PPP2R2D: variants seen among roughly 807,000 people sequenced by gnomAD.
PPP2R2D encodes the protein protein phosphatase 2 regulatory subunit Bdelta.
A neutral mutation model predicts 31.1 loss-of-function variants in PPP2R2D; 9 were observed. The observed-to-expected ratio is 0.29, with a 90% confidence interval of 0.17 to 0.51. The LOEUF (loss-of-function observed/expected upper bound fraction) is 0.51, where lower values mean the gene tolerates loss of function less well. Ranked by LOEUF, PPP2R2D falls within the 20% of genes least tolerant of loss-of-function variation. The pLI, the probability that PPP2R2D is intolerant of heterozygous loss-of-function variation, is 0.98. For synonymous variants in PPP2R2D, 179 were observed against 172.6 expected, an observed-to-expected ratio of 1.04 and a Z score of -0.29; for missense variants, 391 against 465.6, an observed-to-expected ratio of 0.84 and a Z score of 1.48.
the PPP2R2D span, among the ~76,000 whole-genome samples, chr10:131,965,300 AG>A: frequency 6.6e-6 from 1 of 152,162 alleles, no homozygotes; most frequent in Non-Finnish European, 1.5e-5. Flanking sequence ...CCGCAGAGAC[AG>A]GAAGTGGCGG....
downstream of PPP2R2D, among the ~76,000 whole-genome samples, chr10:131,960,941 C>A (rs902647084): frequency 3.3e-5 from 5 of 152,176 alleles, no homozygotes; most frequent in Admixed American, 2.6e-4. Context: ...TCGTCCTGGG[C>A]TGGGCCAGGG....
chr10:131,946,308 G>A (rs1220126763), intron 7 of PPP2R2D, among the ~76,000 whole-genome samples: 2 of 152,156 alleles, frequency 1.3e-5, no homozygotes, highest in East Asian at 3.9e-4. Context: ...TGTAGTCAGC[G>A]TGTCCCAGTG....
intron 2 of PPP2R2D, among the ~76,000 whole-genome samples, chr10:131,904,128 T>A (rs899009803): frequency 4.9e-5 from 7 of 143,566 alleles, no homozygotes; most frequent in Non-Finnish European, 1.0e-4. Context: ...TGCTTAAACC[T>A]GGGAGGTGGA....
Position 131,924,978 on chromosome 10 carries a change from A to G in PPP2R2D, c.101-9480A>G, listed in dbSNP as rs533989333. On this transcript the variant is annotated intron_variant, in intron 2 of 8. Coordinates refer to ENST00000455566, the MANE Select transcript of PPP2R2D (RefSeq NM_018461.5). Reference sequence around the variant, plus strand: ...GAATTTTTCATTGCTAGGTGTAGAAATGCAGTTGACTTTATTGGCCTTGCA... The same window carrying G: ...GAATTTTTCATTGCTAGGTGTAGAAGTGCAGTTGACTTTATTGGCCTTGCA... Among the ~76,000 whole-genome samples, 4 of 152,306 alleles carry G rather than the reference A, an allele frequency of 2.6e-5. No individual in the cohort carries two copies. In the South Asian group the frequency reaches 8.3e-4, roughly 32 times the overall value.
intron 2 of PPP2R2D, among the ~76,000 whole-genome samples, chr10:131,905,156 A>G (rs1332006101): frequency 1.3e-5 from 2 of 152,160 alleles, no homozygotes; most frequent in Non-Finnish European, 2.9e-5. Flanking sequence ...AGCAGCAGTC[A>G]GTGGTGACTT....
At chr10:131,951,301 A>G (rs1395708282) in intron 8 of PPP2R2D, among the ~76,000 whole-genome samples, 1 of 152,254 alleles carries the variant, frequency 6.6e-6, no homozygotes, top group Non-Finnish European at 1.5e-5. Context: ...TACCTGAAAT[A>G]GCAAACAACT....
the PPP2R2D span, chr10:131,971,252 G>T: frequency 4.5e-6 from 2 of 444,026 alleles, no homozygotes; most frequent in Admixed American, 7.4e-5. Flanking sequence ...TGAGATTCTG[G>T]GGGTACTGAC....
chr10:131,947,878 A>G lies in PPP2R2D; in HGVS notation c.1082+87A>G. On this transcript the variant is annotated intron_variant, in intron 8 of 8. Coordinates refer to ENST00000455566, the MANE Select transcript of PPP2R2D (RefSeq NM_018461.5). The surrounding 1 kb of genome is among the most constrained non-coding windows in gnomAD (Gnocchi z 4.3). ...CAGTGAGGGAGGCGAGCTGTCCTCC[A>G]GCGTCAGAGGAGGACGCTCATAGGG... is the stretch of plus-strand genomic sequence containing the variant. 2 of 1,518,310 alleles carry G rather than the reference A, an allele frequency of 1.3e-6. No homozygotes were observed. Among genetic ancestry groups the G allele is most frequent in the Non-Finnish European group, 1.8e-6 (2 of 1,111,992 alleles). The allele number at this position is 1,518,310 out of a possible 1,614,324, so 94.1% of individuals were successfully genotyped here.
At chr10:131,932,667 A>AAAAAAAAAAAAAAAC (rs1564817986) in intron 2 of PPP2R2D, among the ~76,000 whole-genome samples, 37 of 133,144 alleles carry the variant, frequency 2.8e-4, no homozygotes, top group African/African-American at 9.3e-4. Flanking sequence ...AAAAAAAAAA[A>AAAAAAAAAAAAAAAC]ACACACAAAA....
intron 5 of PPP2R2D, among the ~76,000 whole-genome samples, chr10:131,942,470 C>T (rs186638719): frequency 1.2e-3 from 189 of 152,294 alleles, no homozygotes; most frequent in African/African-American, 4.0e-3. Flanking sequence ...TCAGAGTGGG[C>T]TATTTATGTA....
At chr10:131,907,243 TTATTTCCGG>T (rs1434031795) in intron 2 of PPP2R2D, among the ~76,000 whole-genome samples, 1 of 152,162 alleles carries the variant, frequency 6.6e-6, no homozygotes, top group African/African-American at 2.4e-5. Flanking sequence ...CTTATTTGAA[TTATTTCCGG>T]TCTGATTTCT....
chr10:131,906,451 A>G (rs1389337638), intron 2 of PPP2R2D, among the ~76,000 whole-genome samples: 1 of 152,210 alleles, frequency 6.6e-6, no homozygotes, highest in Non-Finnish European at 1.5e-5. Context: ...TGTTTGCTTA[A>G]GTCAAGCTTG....
At chr10:131,917,303 A>ACG (rs2035822953) in intron 2 of PPP2R2D, among the ~76,000 whole-genome samples, 2 of 50,162 alleles carry the variant, frequency 4.0e-5, no homozygotes, top group African/African-American at 1.7e-4. Context: ...GACCTCAGGC[A>ACG]GGTGGAATGA....
chr10:131,946,975 C>T (rs548577509), intron 7 of PPP2R2D, among the ~76,000 whole-genome samples: 4 of 152,166 alleles, frequency 2.6e-5, no homozygotes, highest in African/African-American at 7.2e-5. Context: ...AGGACCACAG[C>T]GTTGCCAGTC....
chr10:131,956,136 G>A lies in PPP2R2D; in HGVS notation c.*173G>A. The A allele has an allele frequency of 8.0e-7, 1 of 1,248,750 alleles. No homozygotes were observed. Among genetic ancestry groups the A allele is most frequent in the Non-Finnish European group, 1.0e-6 (1 of 998,350 alleles). The allele number at this position is 1,248,750 out of a possible 1,614,324, so 77.4% of individuals were successfully genotyped here. On this transcript the variant is annotated 3_prime_UTR_variant, in exon 9 of 9. Coordinates refer to ENST00000455566, the MANE Select transcript of PPP2R2D (RefSeq NM_018461.5). Reference sequence around the variant, plus strand: ...GGAGGCCCGGTGTGGTTCCGCCTCGGCGAGGCGCGAGACAGGCGCTGCTGC... The same window carrying A: ...GGAGGCCCGGTGTGGTTCCGCCTCGACGAGGCGCGAGACAGGCGCTGCTGC...
chr10:131,964,377 G>A (rs150550560), downstream of PPP2R2D, among the ~76,000 whole-genome samples: 1,476 of 151,972 alleles, frequency 9.7e-3, 13 homozygotes, highest in Middle Eastern at 0.017. Flanking sequence ...CCACCACCGG[G>A]ACCCAGGGCT....
chr10:131,946,632 C>T (rs962848483), intron 7 of PPP2R2D, among the ~76,000 whole-genome samples: 2 of 152,138 alleles, frequency 1.3e-5, no homozygotes, highest in African/African-American at 4.8e-5. Context: ...TTTCAGATTC[C>T]AGTTCTATTT....
downstream of PPP2R2D, among the ~76,000 whole-genome samples, chr10:131,964,664 ATGTTTTTTT>A (rs2036957545): frequency 7.9e-6 from 1 of 126,752 alleles, no homozygotes; most frequent in South Asian, 2.5e-4. Flanking sequence ...AGAGTTTACT[ATGTTTTTTT>A]TTTTTTTTTT....
At chr10:131,930,057 G>A (rs2119819129) in intron 2 of PPP2R2D, among the ~76,000 whole-genome samples, 1 of 152,252 alleles carries the variant, frequency 6.6e-6, no homozygotes, top group African/African-American at 2.4e-5. Flanking sequence ...CAAAAAAAGA[G>A]GTTGAAAGAG....
Sources: gnomAD v4.1 joint callset for allele counts (sites outside exome capture counted in the v4.1 genomes callset) on GRCh38, gnomAD v4.1.1 for gene constraint, Gnocchi (gnomAD v3.1) non-coding constraint, MANE v1.5 for transcripts, NCBI Gene and HGNC (gene_info 2026-07-23, HGNC 2026-07-21) for gene names.